The following DKK3 variants were observed in gnomAD, a reference collection of about 807,000 sequenced individuals.
The protein encoded by DKK3 is dickkopf Wnt signaling pathway inhibitor 3.
Under a neutral mutation model 33.2 loss-of-function variants are expected in DKK3, and 22 were observed. That is an observed-to-expected ratio of 0.66 (90% CI 0.47 to 0.95). The LOEUF (loss-of-function observed/expected upper bound fraction) is 0.95, where lower values mean the gene tolerates loss of function less well. Among genes scored for constraint, DKK3 ranks in the 40% least tolerant of loss-of-function variants. DKK3 has a pLI of 0.00. For synonymous variants in DKK3, 194 were observed against 188.8 expected, an observed-to-expected ratio of 1.03 and a Z score of -0.23; for missense variants, 398 against 458.4, an observed-to-expected ratio of 0.87 and a Z score of 1.20.
intron 3 of DKK3, among the ~76,000 whole-genome samples, chr11:11,976,203 A>G (rs1847830114): frequency 1.3e-5 from 2 of 152,152 alleles, no homozygotes; most frequent in South Asian, 4.1e-4. Flanking sequence ...CCTTCCCATT[A>G]CCAACAGCAC....
intron 3 of DKK3, among the ~76,000 whole-genome samples, chr11:11,983,532 G>A (rs1241676130): frequency 6.6e-6 from 1 of 152,256 alleles, no homozygotes; most frequent in African/African-American, 2.4e-5. Context: ...TCCACTGGAT[G>A]TCATGTCTGC....
chr11:12,008,970 C>G, upstream of DKK3: 1 of 1,006,402 alleles, frequency 9.9e-7, no homozygotes, highest in Non-Finnish European at 1.2e-6. The surrounding 1 kb of genome is among the most constrained non-coding windows in gnomAD (Gnocchi z 4.6). Flanking sequence ...GGTTCAAACC[C>G]TAGCCCCTCC....
At chr11:11,973,633 C>T (rs557799200) in intron 3 of DKK3, among the ~76,000 whole-genome samples, 6 of 152,248 alleles carry the variant, frequency 3.9e-5, no homozygotes, top group Admixed American at 1.3e-4. Flanking sequence ...TTTGTTGTCC[C>T]GAGGAGGGAA....
At chr11:12,009,072 C>CTTG, upstream of DKK3, 1 of 986,118 alleles carries the variant, frequency 1.0e-6, no homozygotes, top group Non-Finnish European at 1.2e-6. Flanking sequence ...AGCCCCCTCC[C>CTTG]CTTGGCGTCG....
At chr11:11,982,036 C>G (rs576262157) in intron 3 of DKK3, among the ~76,000 whole-genome samples, 1 of 152,116 alleles carries the variant, frequency 6.6e-6, no homozygotes, top group Non-Finnish European at 1.5e-5. Flanking sequence ...GAAAGCACCA[C>G]CCCCATTCCC....
At chr11:11,974,100 C>T (rs1299354797) in intron 3 of DKK3, among the ~76,000 whole-genome samples, 1 of 152,232 alleles carries the variant, frequency 6.6e-6, no homozygotes, top group Admixed American at 6.5e-5. Flanking sequence ...CCTCTCAAGC[C>T]CATGGCTCTG....
chr11:11,983,696 G>A (rs1848005004), intron 3 of DKK3, among the ~76,000 whole-genome samples: 1 of 152,232 alleles, frequency 6.6e-6, no homozygotes, highest in Non-Finnish European at 1.5e-5. Flanking sequence ...GGCAGCAGGA[G>A]TCAGTGCAGG....
intron 4 of DKK3, 94 bp from the exon 5 acceptor site, chr11:11,967,192 GCATCCTCCCATTGTAGAGACA>G: frequency 6.9e-7 from 1 of 1,441,654 alleles, no homozygotes; most frequent in South Asian, 1.3e-5. Context: ...AGGCCAACCT[GCATCCTCCCATTGTAGAGACA>G]GGCAGACCAG....
intron 3 of DKK3, among the ~76,000 whole-genome samples, chr11:11,981,788 T>A (rs1044961358): frequency 4.6e-5 from 7 of 152,274 alleles, no homozygotes; most frequent in South Asian, 2.1e-4. Flanking sequence ...TGTCAGCAAC[T>A]TTTCCATCTC....
At chr11:11,989,886 A>G (rs531078656) in intron 3 of DKK3, among the ~76,000 whole-genome samples, 4 of 152,246 alleles carry the variant, frequency 2.6e-5, no homozygotes, top group South Asian at 4.2e-4. Context: ...CAGTTACTTC[A>G]TCTGTAAAAT....
rs1564902630 is a variant in DKK3 at position 11,963,059 on chromosome 11, C to A, written c.*1405G>T. 6.6e-6 allele frequency: 1 copy of A among 152,534 alleles called. No individual in the cohort carries two copies. Among genetic ancestry groups the A allele is most frequent in the African/African-American group, 2.4e-5 (1 of 41,432 alleles). 9.4% of individuals were successfully genotyped at this position (152,534 alleles called of 1,614,324 possible). A position where few individuals can be genotyped will look rare whatever the true frequency, so the allele number is the denominator to read the frequency against. On this transcript the variant is annotated 3_prime_UTR_variant, in exon 7 of 7. Coordinates refer to ENST00000683431, the MANE Select transcript of DKK3 (RefSeq NM_001018057.2). ...ACTTTTTCTGGCTGAAAGGATTTTA[C>A]ATTTATTCAAAGTCAAAAGGGAAAA...
intron 2 of DKK3, chr11:12,001,631 A>C (rs1190302443): frequency 6.6e-6 from 1 of 152,244 alleles, no homozygotes; most frequent in Non-Finnish European, 1.5e-5. Context: ...GAGACATTGC[A>C]CACCAGGGGC....
chr11:11,966,826 A>G (rs1847607895), intron 5 of DKK3, 128 bp downstream of exon 5: 1 of 1,308,192 alleles, frequency 7.6e-7, no homozygotes. Flanking sequence ...CACACTGATG[A>G]GCATTTGGGA....
chr11:11,999,273 C>T (rs552591801), intron 2 of DKK3, among the ~76,000 whole-genome samples: 5 of 152,344 alleles, frequency 3.3e-5, no homozygotes, highest in Admixed American at 2.6e-4. Context: ...TAATGAGAGA[C>T]TTGTTCCAAT....
intron 3 of DKK3, among the ~76,000 whole-genome samples, chr11:11,973,700 T>C (rs16910270): frequency 0.08 from 12,224 of 152,260 alleles, 1,135 homozygotes; most frequent in African/African-American, 0.23. Flanking sequence ...GAACACAGCA[T>C]AGATTTGGCA....
chr11:12,004,731 G>C (rs961515894), intron 1 of DKK3, among the ~76,000 whole-genome samples: 1 of 152,238 alleles, frequency 6.6e-6, no homozygotes, highest in Non-Finnish European at 1.5e-5. Flanking sequence ...GTAGATATAA[G>C]AATTAAGGCA....
upstream of DKK3, chr11:12,008,695 C>T (rs1466163150): frequency 8.2e-7 from 1 of 1,215,160 alleles, no homozygotes; most frequent in Non-Finnish European, 1.0e-6. This position sits in a 1 kb window ranked among gnomAD's most constrained non-coding sequence, Gnocchi z 4.6. Context: ...CCGCCGCCCG[C>T]CCCTGGCGCC....
chr11:11,993,775 T>C (rs143148969), intron 3 of DKK3, among the ~76,000 whole-genome samples: 215 of 152,318 alleles, frequency 1.4e-3, no homozygotes, highest in Non-Finnish European at 2.5e-3. Flanking sequence ...TGTCAGACTA[T>C]GGAACTGAAC....
rs908793369 is a variant in DKK3, at chr11:11,998,294, T to G, written c.435+402A>C. ...GGCCATTGGGCTCCACATAAGGTGT[T>G]CTTGTTCTCAAACTGCCTGACCAGA... is the stretch of plus-strand genomic sequence containing the variant. On this transcript the variant is annotated intron_variant, in intron 3 of 6. Transcript: ENST00000683431. The G allele has an allele frequency of 6.6e-5, 20 of 303,964 alleles. 1 individual carries two copies. Among genetic ancestry groups the G allele is most frequent in the African/African-American group, 4.4e-4 (20 of 45,372 alleles). 18.8% of individuals were successfully genotyped at this position (303,964 alleles called of 1,614,324 possible). A position where few individuals can be genotyped will look rare whatever the true frequency, so the allele number is the denominator to read the frequency against.
Sources: allele counts gnomAD v4.1 joint callset (sites outside exome capture counted in the v4.1 genomes callset), GRCh38; gene constraint gnomAD v4.1.1; non-coding constraint Gnocchi (gnomAD v3.1); transcripts MANE v1.5; gene names NCBI Gene and HGNC (gene_info 2026-07-23, HGNC 2026-07-21).